PCDHGB3: variants seen among roughly 807,000 people sequenced by gnomAD.
PCDHGB3 encodes protocadherin gamma subfamily B, 3.
Under a neutral mutation model 59.2 loss-of-function variants are expected in PCDHGB3, and 40 were observed. The observed-to-expected ratio is 0.68, with a 90% CI of 0.52 to 0.88. The LOEUF is 0.88. PCDHGB3 is among the 40% of genes least tolerant of loss of function. The probability of loss-of-function intolerance (pLI) is 0.00; values close to 1 mark genes in which losing one functional copy is unlikely to be tolerated. For synonymous variants in PCDHGB3, 581 were observed against 503.6 expected (o/e 1.15, Z -2.06); for missense variants, 1,309 against 1,187.9 (o/e 1.10, Z -1.50).
At chr5:141,407,497 G>GTTTTTTTTTTTTTTTT (rs1554102286) in intron 1 of PCDHGB3, among the ~76,000 whole-genome samples, 1 of 151,966 alleles carries the variant, frequency 6.6e-6, no homozygotes, top group Non-Finnish European at 1.5e-5. Flanking sequence ...CTTTATTTCT[G>GTTTTTTTTTTTTTTTT]TTTTTCTTAG....
At position 141,490,381 on chromosome 5, in the gene PCDHGB3, A is replaced by T. The variant is rs770046796; in HGVS notation, c.2416-4426A>T. 1 of 1,614,240 alleles carries T rather than the reference A, an allele frequency of 6.2e-7. No homozygotes were observed. The highest frequency in any genetic ancestry group is 1.1e-5 in the South Asian group (1 of 91,090). On this transcript the variant is annotated intron_variant, in intron 1 of 3. Coordinates refer to ENST00000576222, the MANE Select transcript of PCDHGB3 (RefSeq NM_018924.5). This position sits in a 1 kb window ranked among gnomAD's most constrained non-coding sequence, Gnocchi z 5.4. ...TAATGTGCGAGACCGGGACTCAGGT[A>T]GAAATGGTGAAGTGAGCCTTGATAT...
In PCDHGB3 at chr5:141,490,949, A is replaced by G. The variant is rs2074912; in HGVS notation, c.2416-3858A>G. On this transcript the variant is annotated intron_variant, in intron 1 of 3. Coordinates refer to ENST00000576222, the MANE Select transcript of PCDHGB3 (RefSeq NM_018924.5). The surrounding 1 kb of genome is among the most constrained non-coding windows in gnomAD (Gnocchi z 5.4). ...CCAGCTGTGCTGCACCCACGGCCAG[A>G]CTGGGAACACTCAGCCCCCCAGCGT... 0.21 allele frequency: 331,850 copies of G among 1,613,352 alleles called. 36,311 individuals carry two copies. The highest frequency in any genetic ancestry group is 0.37 in the Admixed American group (22,349 of 59,972).
intron 1 of PCDHGB3, among the ~76,000 whole-genome samples, chr5:141,472,136 A>T (rs1172420221): frequency 1.1e-4 from 17 of 152,262 alleles, no homozygotes; most frequent in Non-Finnish European, 2.5e-4. Flanking sequence ...AGTTAAAAAT[A>T]AAAGTTTCAT....
At chr5:141,414,932 C>T (rs770025434) in intron 1 of PCDHGB3, 3 of 1,614,162 alleles carry the variant, frequency 1.9e-6, no homozygotes, top group Middle Eastern at 1.7e-4. Context: ...CCCCGCTCCG[C>T]AGAGCCCGGC....
At chr5:141,392,303 A>G (rs2092505903) in intron 1 of PCDHGB3, 1 of 151,852 alleles carries the variant, frequency 6.6e-6, no homozygotes, top group South Asian at 2.1e-4. Context: ...TGAAAGTATC[A>G]TGTTTTTTTT....
intron 1 of PCDHGB3, among the ~76,000 whole-genome samples, chr5:141,444,408 T>G (rs1591815532): frequency 6.6e-6 from 1 of 152,124 alleles, no homozygotes; most frequent in East Asian, 1.9e-4. Context: ...CAACCTCAGG[T>G]GATCTTCCCT....
intron 3 of PCDHGB3, among the ~76,000 whole-genome samples, chr5:141,507,760 T>G (rs2099863136): frequency 6.6e-6 from 1 of 152,202 alleles, no homozygotes; most frequent in Non-Finnish European, 1.5e-5. Context: ...GCCTCCCACC[T>G]TTGGCCCACA....
At chr5:141,418,373 C>T (rs936895178) in intron 1 of PCDHGB3, 1 of 1,614,006 alleles carries the variant, frequency 6.2e-7, no homozygotes, top group Non-Finnish European at 8.5e-7. Context: ...CAAATACCAA[C>T]TAAGTCCTAA....
At position 141,487,370 on chromosome 5, in the gene PCDHGB3, T is replaced by C; in HGVS notation, c.2416-7437T>C. 6.2e-7 allele frequency: 1 copy of C among 1,614,232 alleles called. No individual in the cohort carries two copies. Among genetic ancestry groups the C allele is most frequent in the South Asian group, 1.1e-5 (1 of 91,080 alleles). On this transcript the variant is annotated intron_variant, in intron 1 of 3. Transcript: ENST00000576222. The surrounding 1 kb of genome is among the most constrained non-coding windows in gnomAD (Gnocchi z 5.0). ...ATGCTTTCCTGCTGGCACCTGTGCC[T>C]GTCTCACCAGATCTCGAAGGAGGGA... is the stretch of plus-strand genomic sequence containing the variant.
intron 1 of PCDHGB3, chr5:141,392,761 A>G (rs1341541753): frequency 1.6e-5 from 24 of 1,476,812 alleles, no homozygotes; most frequent in Non-Finnish European, 2.1e-5. Flanking sequence ...AAACTAAATA[A>G]GACCCATTTA....
chr5:141,472,371 C>G (rs2099278632), intron 1 of PCDHGB3, among the ~76,000 whole-genome samples: 1 of 151,944 alleles, frequency 6.6e-6, no homozygotes, highest in Admixed American at 6.6e-5. Flanking sequence ...GAAACCCCGT[C>G]TCCACTAAAA....
At position 141,477,222 on chromosome 5, in the gene PCDHGB3, C is replaced by T; in HGVS notation, c.2416-17585C>T. Reference sequence around the variant, plus strand: ...GTACCCGAGGATGCCCCTCTGGGGACTGTCATCGCTTTGCTCAGTGTGACT... The same window carrying T: ...GTACCCGAGGATGCCCCTCTGGGGATTGTCATCGCTTTGCTCAGTGTGACT... On this transcript the variant is annotated intron_variant, in intron 1 of 3. Transcript: ENST00000576222. This position sits in a 1 kb window ranked among gnomAD's most constrained non-coding sequence, Gnocchi z 4.9. 2 of 1,614,218 alleles carry T rather than the reference C, an allele frequency of 1.2e-6. No homozygotes were observed. Among genetic ancestry groups the T allele is most frequent in the South Asian group, 1.1e-5 (1 of 91,086 alleles).
At position 141,487,710 on chromosome 5, in the gene PCDHGB3, G is replaced by A. The variant is rs199722860; in HGVS notation, c.2416-7097G>A. ...CTAGAGAGTACTGGCCTCTCAGTAA[G>A]TGCCCATAGTGATGTCACCATTTTT... On this transcript the variant is annotated intron_variant, in intron 1 of 3. Transcript: ENST00000576222. The surrounding 1 kb of genome is among the most constrained non-coding windows in gnomAD (Gnocchi z 5.0). 3.8e-4 allele frequency: 596 copies of A among 1,586,168 alleles called. No individual in the cohort carries two copies. The highest frequency in any genetic ancestry group is 4.5e-4 in the Non-Finnish European group (529 of 1,164,386).
intron 1 of PCDHGB3, chr5:141,399,141 C>T (rs778835051): frequency 1.9e-6 from 3 of 1,613,660 alleles, no homozygotes; most frequent in African/African-American, 1.3e-5. Flanking sequence ...ATGAAAATGA[C>T]AATAGCCCAG....
At chr5:141,460,150 T>G (rs1169568683) in intron 1 of PCDHGB3, among the ~76,000 whole-genome samples, 1 of 152,106 alleles carries the variant, frequency 6.6e-6, no homozygotes, top group East Asian at 1.9e-4. Context: ...ATGTGAGCTC[T>G]TTGTCACATA....
At chr5:141,377,212 G>A (rs1390877095) in intron 1 of PCDHGB3, 4 of 151,992 alleles carry the variant, frequency 2.6e-5, no homozygotes, top group African/African-American at 4.8e-5. Context: ...AGTACATCTC[G>A]TTTCTTAGGT....
At chr5:141,414,439 T>A in intron 1 of PCDHGB3, 1 of 1,613,874 alleles carries the variant, frequency 6.2e-7, no homozygotes, top group East Asian at 2.2e-5. Context: ...GGTATCCTCT[T>A]ACAATATCAC....
Position 141,371,560 on chromosome 5 carries a change from AC to A in PCDHGB3, c.1167del (p.Phe390SerfsTer16). On this transcript the variant is annotated frameshift_variant, in exon 1 of 4. Transcript: ENST00000576222. LOFTEE classifies it high-confidence loss of function. ...NGEILCQLKG[N>X]FPFKIVQDTK... ...GAAATCCTATGCCAACTAAAAGGAA[AC>A]TTCCCCTTTAAAATCGTTCAAGATA... is the stretch of plus-strand genomic sequence containing the variant. 1 of 1,613,892 alleles carries A rather than the reference AC, an allele frequency of 6.2e-7. No individual in the cohort carries two copies. The highest frequency in any genetic ancestry group is 8.5e-7 in the Non-Finnish European group (1 of 1,179,802).
At chr5:141,424,784 C>T (rs1351935601) in intron 1 of PCDHGB3, 2 of 152,062 alleles carry the variant, frequency 1.3e-5, no homozygotes, top group Non-Finnish European at 2.9e-5. Context: ...ACATTCAGTT[C>T]TTTTATTCAG....
Sources: gnomAD v4.1 joint callset for allele counts (sites outside exome capture counted in the v4.1 genomes callset) on GRCh38, gnomAD v4.1.1 for gene constraint, Gnocchi (gnomAD v3.1) non-coding constraint, MANE v1.5 for transcripts, NCBI Gene and HGNC (gene_info 2026-07-23, HGNC 2026-07-21) for gene names.